Variants in HDAC9 observed in about 807,000 individuals in gnomAD.
HDAC9 encodes MEF-2 interacting transcription repressor (MITR) protein.
In HDAC9, 41 loss-of-function variants were observed where a neutral mutation model predicts 139.4. That is an observed-to-expected ratio of 0.29 (90% CI 0.23 to 0.38). The LOEUF (loss-of-function observed/expected upper bound fraction) is 0.38, where lower values mean the gene tolerates loss of function less well. Among genes scored for constraint, HDAC9 ranks in the 10% least tolerant of loss-of-function variants. The pLI, the probability that HDAC9 is intolerant of heterozygous loss-of-function variation, is 1.00. For missense variants in HDAC9, 1,147 were observed against 1,297.0 expected (o/e 0.88, Z 1.78); for synonymous variants, 517 against 476.2 (o/e 1.09, Z -1.12).
At chr7:18,316,135 A>G (rs1799619994) in intron 1 of HDAC9, among the ~76,000 whole-genome samples, 3 of 152,170 alleles carry the variant, frequency 2.0e-5, no homozygotes, top group Admixed American at 2.0e-4. Flanking sequence ...TAAAATGCAG[A>G]CACTGATTCA....
intron 1 of HDAC9, among the ~76,000 whole-genome samples, chr7:18,308,733 A>G (rs1446755158): frequency 6.6e-6 from 1 of 152,222 alleles, no homozygotes; most frequent in Non-Finnish European, 1.5e-5. Context: ...GTGTATATAT[A>G]TCTGTAGGAT....
intron 2 of HDAC9, among the ~76,000 whole-genome samples, chr7:18,175,872 C>G (rs1241868333): frequency 6.9e-6 from 1 of 145,330 alleles, no homozygotes; most frequent in East Asian, 2.2e-4. Context: ...GCATAATTAA[C>G]CTTTTCTCCC....
chr7:18,496,661 T>C (rs1797021290), intron 2 of HDAC9: 1 of 214,552 alleles, frequency 4.7e-6, no homozygotes, highest in Non-Finnish European at 9.2e-6. Context: ...CCTATTCTAA[T>C]AGGACTTTAA....
At chr7:18,884,782 T>A (rs1324312243) in intron 22 of HDAC9, among the ~76,000 whole-genome samples, 1 of 152,120 alleles carries the variant, frequency 6.6e-6, no homozygotes, top group Non-Finnish European at 1.5e-5. Context: ...GGCAGGAAAA[T>A]AAGGAAAGAA....
intron 6 of HDAC9, among the ~76,000 whole-genome samples, chr7:18,620,649 G>A (rs1356664467): frequency 6.6e-6 from 1 of 152,120 alleles, no homozygotes; most frequent in Admixed American, 6.5e-5. Flanking sequence ...ACATTGGTGA[G>A]GAGGAGGAAA....
intron 12 of HDAC9, chr7:18,667,373 A>G (rs905951540): frequency 1.6e-4 from 153 of 981,814 alleles, no homozygotes; most frequent in Non-Finnish European, 1.8e-4. Flanking sequence ...AAGAAGGTGT[A>G]TCATATTTTA....
At chr7:18,252,638 C>T (rs969618184) in intron 2 of HDAC9, among the ~76,000 whole-genome samples, 1 of 151,990 alleles carries the variant, frequency 6.6e-6, no homozygotes, top group Non-Finnish European at 1.5e-5. Flanking sequence ...CTACTTAACA[C>T]CAAAGCACAT....
chr7:18,916,521 G>A (rs529403267), intron 22 of HDAC9, among the ~76,000 whole-genome samples: 3 of 151,912 alleles, frequency 2.0e-5, no homozygotes, highest in African/African-American at 7.2e-5. Flanking sequence ...AGAAACTATT[G>A]AAACTTCAGG....
intron 21 of HDAC9, among the ~76,000 whole-genome samples, chr7:18,853,662 T>G (rs1336673228): frequency 6.6e-6 from 1 of 152,186 alleles, no homozygotes; most frequent in Non-Finnish European, 1.5e-5. Flanking sequence ...CTTTTAATTG[T>G]TTGTCATAAC....
intron 2 of HDAC9, among the ~76,000 whole-genome samples, chr7:18,562,094 G>A (rs1820796369): frequency 6.6e-6 from 1 of 152,146 alleles, no homozygotes; most frequent in African/African-American, 2.4e-5. Flanking sequence ...AAAATGTTGA[G>A]TGATTTTCAA....
chr7:18,270,838 T>TG (rs574637290), intron 2 of HDAC9, among the ~76,000 whole-genome samples: 46 of 152,196 alleles, frequency 3.0e-4, no homozygotes, highest in Non-Finnish European at 5.7e-4. Context: ...GAGTGAATTT[T>TG]ATATCATCAT....
intron 2 of HDAC9, among the ~76,000 whole-genome samples, chr7:18,524,089 G>A (rs114190022): frequency 6.6e-6 from 1 of 152,120 alleles, no homozygotes; most frequent in African/African-American, 2.4e-5. Flanking sequence ...CATCTGGCTG[G>A]GTTAGCTATT....
intron 21 of HDAC9, among the ~76,000 whole-genome samples, chr7:18,844,651 A>G (rs1487021649): frequency 2.6e-5 from 4 of 152,226 alleles, no homozygotes; most frequent in African/African-American, 9.6e-5. Flanking sequence ...CAGAAACAAA[A>G]GAGCATTTTT....
Position 18,726,502 on chromosome 7 carries a change from ATACTT to A in HDAC9, c.1732-1076_1732-1072del, listed in dbSNP as rs1309312279. ...AATTACTAGAATTAGACGTTTAAAA[ATACTT>A]TGGTAACATTTGGAGCAACAGTTTC... On this transcript the variant is annotated intron_variant, in intron 12 of 25. Coordinates refer to ENST00000686413, the MANE Select transcript of HDAC9 (RefSeq NM_178425.4). Among the ~76,000 whole-genome samples, 6 of 152,298 alleles carry A rather than the reference ATACTT, an allele frequency of 3.9e-5. No homozygotes were observed. The East Asian group carries it at 1.2e-3, about 29-fold the overall frequency.
intron 2 of HDAC9, among the ~76,000 whole-genome samples, chr7:18,522,289 C>G (rs1378151217): frequency 6.6e-6 from 1 of 152,022 alleles, no homozygotes; most frequent in African/African-American, 2.4e-5. Context: ...CCAAAAGATA[C>G]CTGATTAGTA....
chr7:18,372,902 A>G (rs1009252422), intron 1 of HDAC9, among the ~76,000 whole-genome samples: 1 of 152,200 alleles, frequency 6.6e-6, no homozygotes, highest in African/African-American at 2.4e-5. Context: ...ATTCATAACA[A>G]TGGTTACTTT....
At chr7:18,099,395 G>T (rs1408719137) in intron 1 of HDAC9, among the ~76,000 whole-genome samples, 1 of 152,066 alleles carries the variant, frequency 6.6e-6, no homozygotes, top group African/African-American at 2.4e-5. Flanking sequence ...TTGGACCCTG[G>T]AGGTGGAGGT....
chr7:18,455,273 T>G (rs1793239077), intron 1 of HDAC9, among the ~76,000 whole-genome samples: 1 of 152,020 alleles, frequency 6.6e-6, no homozygotes, highest in East Asian at 1.9e-4. Flanking sequence ...ATATTTGAAA[T>G]AGCTTTTAAA....
chr7:18,856,431 A>G (rs1797686375), intron 21 of HDAC9, among the ~76,000 whole-genome samples: 1 of 152,150 alleles, frequency 6.6e-6, no homozygotes, highest in Non-Finnish European at 1.5e-5. Flanking sequence ...ACACATGGTT[A>G]TCTCTCCACC....
Sources: gnomAD v4.1 joint callset for allele counts (sites outside exome capture counted in the v4.1 genomes callset) on GRCh38, gnomAD v4.1.1 for gene constraint, MANE v1.5 for transcripts, NCBI Gene and HGNC (gene_info 2026-07-23, HGNC 2026-07-21) for gene names.